Variants in DENND4C observed in about 807,000 individuals in gnomAD.
The protein encoded by DENND4C is DENN domain-containing protein 4C.
A neutral mutation model predicts 203.0 loss-of-function variants in DENND4C; 108 were observed. The ratio of observed to expected loss-of-function variants is 0.53; its 90% CI spans 0.46 to 0.62. The LOEUF is 0.62. Ranked by LOEUF, DENND4C falls within the 20% of genes least tolerant of loss-of-function variation. The pLI is 0.00. For synonymous variants in DENND4C, 871 were observed against 792.4 expected, an observed-to-expected ratio of 1.10 and a Z score of -1.67; for missense variants, 2,481 against 2,301.2, an observed-to-expected ratio of 1.08 and a Z score of -1.60.
intron 9 of DENND4C, among the ~76,000 whole-genome samples, chr9:19,303,688 C>G (rs898025688): frequency 6.6e-6 from 1 of 152,114 alleles, no homozygotes; most frequent in African/African-American, 2.4e-5. Flanking sequence ...CTGAATAACC[C>G]TCTGTAATAG....
chr9:19,300,416 T>G lies in DENND4C; in HGVS notation c.1311+85T>G. 4.0e-6 allele frequency: 5 copies of G among 1,264,648 alleles called. No homozygotes were observed. Among genetic ancestry groups the G allele is most frequent in the Non-Finnish European group, 5.2e-6 (5 of 964,634 alleles). 78.3% of individuals were successfully genotyped at this position (1,264,648 alleles called of 1,614,324 possible). A position where few individuals can be genotyped will look rare whatever the true frequency, so the allele number is the denominator to read the frequency against. On this transcript the variant is annotated intron_variant, in intron 9 of 32. Coordinates refer to ENST00000434457, the MANE Select transcript of DENND4C (RefSeq NM_001330640.2). ...AAATTTTCTTCAAAAACAGCAACTTTGTAAACAACAACAAATTTAAAAAAA... is the reference window on the plus strand; with the variant it reads ...AAATTTTCTTCAAAAACAGCAACTTGGTAAACAACAACAAATTTAAAAAAA...
chr9:19,278,711 A>G (rs1444068106), intron 2 of DENND4C, among the ~76,000 whole-genome samples: 1 of 152,164 alleles, frequency 6.6e-6, no homozygotes, highest in African/African-American at 2.4e-5. Flanking sequence ...CTCCTTTAGT[A>G]TTGTCCATCC....
chr9:19,236,167 CT>C (rs921639157), intron 1 of DENND4C, among the ~76,000 whole-genome samples: 1 of 151,754 alleles, frequency 6.6e-6, no homozygotes, highest in African/African-American at 2.4e-5. Context: ...TAAAGAGGCC[CT>C]TTTCTATCTG....
chr9:19,242,936 A>C (rs987339500), intron 1 of DENND4C, among the ~76,000 whole-genome samples: 3 of 152,086 alleles, frequency 2.0e-5, no homozygotes, highest in African/African-American at 7.2e-5. Flanking sequence ...TTACAGGTGT[A>C]AGCCACCATG....
At chr9:19,364,721 C>T (rs778841441) in intron 30 of DENND4C, among the ~76,000 whole-genome samples, 2 of 152,064 alleles carry the variant, frequency 1.3e-5, no homozygotes, top group African/African-American at 2.4e-5. Context: ...GATAAAACCC[C>T]GCCTCTACTA....
At chr9:19,240,947 A>C (rs549423131) in intron 1 of DENND4C, among the ~76,000 whole-genome samples, 5 of 152,184 alleles carry the variant, frequency 3.3e-5, no homozygotes, top group Non-Finnish European at 5.9e-5. Flanking sequence ...TAGGCGACAG[A>C]GTGACAGAAC....
chr9:19,320,030 G>T (rs1842616541), intron 12 of DENND4C, among the ~76,000 whole-genome samples: 1 of 152,030 alleles, frequency 6.6e-6, no homozygotes, highest in African/African-American at 2.4e-5. Flanking sequence ...CTTGTGGTAG[G>T]TTCAAGAGCT....
In DENND4C at chr9:19,372,725, T is replaced by C. The variant is rs1829042470; in HGVS notation, c.*552T>C. On this transcript the variant is annotated 3_prime_UTR_variant, in exon 33 of 33. Transcript: ENST00000434457. ...CCTGTCTTTACTAAAAATACAAAAA[T>C]TAGCCAGGCGCACCACTGTAGTCCC... is the stretch of plus-strand genomic sequence containing the variant. 1 of 151,920 alleles carries C rather than the reference T, an allele frequency of 6.6e-6. No individual in the cohort carries two copies. The highest frequency in any genetic ancestry group is 6.6e-5 in the Admixed American group (1 of 15,262). 9.4% of individuals were successfully genotyped at this position (151,920 alleles called of 1,614,324 possible).
In DENND4C at chr9:19,312,927, T is replaced by C. The variant is rs138949622; in HGVS notation, c.1488-3490T>C. On this transcript the variant is annotated intron_variant, in intron 10 of 32. Coordinates refer to ENST00000434457, the MANE Select transcript of DENND4C (RefSeq NM_001330640.2). Reference sequence around the variant, plus strand: ...CCTTTAATTTCAGATATTCTGTGCATAGTATATAACTGGCATTAAAAATCC... The same window carrying C: ...CCTTTAATTTCAGATATTCTGTGCACAGTATATAACTGGCATTAAAAATCC... Among the ~76,000 whole-genome samples the C allele has an allele frequency of 1.2e-4, 18 of 152,330 alleles. No individual in the cohort carries two copies. The East Asian group carries it at 3.5e-3, about 29-fold the overall frequency.
chr9:19,312,542 A>G (rs1840950610), intron 10 of DENND4C, among the ~76,000 whole-genome samples: 1 of 152,256 alleles, frequency 6.6e-6, no homozygotes, highest in South Asian at 2.1e-4. Context: ...AAATATGCAC[A>G]AGAAACTAGT....
At chr9:19,258,421 C>T (rs1439108472) in intron 1 of DENND4C, among the ~76,000 whole-genome samples, 3 of 152,040 alleles carry the variant, frequency 2.0e-5, no homozygotes, top group African/African-American at 7.2e-5. Flanking sequence ...CAGTATTCCT[C>T]GTTAACATAT....
intron 1 of DENND4C, among the ~76,000 whole-genome samples, chr9:19,254,473 A>G (rs1176138954): frequency 6.6e-6 from 1 of 152,222 alleles, no homozygotes; most frequent in Non-Finnish European, 1.5e-5. Flanking sequence ...ATGCTAAGTG[A>G]AATAAGCCAG....
chr9:19,267,168 T>A (rs1300982484), intron 1 of DENND4C, among the ~76,000 whole-genome samples: 4 of 152,154 alleles, frequency 2.6e-5, no homozygotes, highest in Non-Finnish European at 4.4e-5. Context: ...GTTTCTTAGT[T>A]TTATGTCTGG....
intron 1 of DENND4C, among the ~76,000 whole-genome samples, chr9:19,264,438 C>A (rs916147428): frequency 6.6e-6 from 1 of 152,054 alleles, no homozygotes; most frequent in Non-Finnish European, 1.5e-5. Context: ...TCTTAAATAG[C>A]TGGGATTACA....
intron 6 of DENND4C, 96 bp from the exon 7 acceptor site, chr9:19,297,960 A>G (rs914697629): frequency 1.7e-5 from 16 of 961,522 alleles, no homozygotes; most frequent in Non-Finnish European, 2.1e-5. Flanking sequence ...GCCATGTCAT[A>G]TCTGGGATGA....
intron 22 of DENND4C, among the ~76,000 whole-genome samples, chr9:19,344,073 AT>A (rs1258523650): frequency 1.3e-5 from 2 of 152,350 alleles, no homozygotes; most frequent in Non-Finnish European, 2.9e-5. Context: ...ATTAATTGAT[AT>A]GATTATCAGT....
chr9:19,234,119 G>A (rs573410265), intron 1 of DENND4C, among the ~76,000 whole-genome samples: 3 of 152,100 alleles, frequency 2.0e-5, no homozygotes, highest in Non-Finnish European at 4.4e-5. Flanking sequence ...GTATATTACT[G>A]TTATTTTATG....
intron 1 of DENND4C, among the ~76,000 whole-genome samples, chr9:19,252,264 G>C (rs188990519): frequency 6.6e-6 from 1 of 152,252 alleles, no homozygotes; most frequent in East Asian, 1.9e-4. Flanking sequence ...GATCTCGTGA[G>C]ACTTATTCAC....
intron 2 of DENND4C, among the ~76,000 whole-genome samples, chr9:19,278,400 G>T (rs916797698): frequency 6.6e-6 from 1 of 151,946 alleles, no homozygotes; most frequent in African/African-American, 2.4e-5. Context: ...AAGTGCTGGG[G>T]TTACAAGCGT....
Sources: gnomAD v4.1 joint callset for allele counts (sites outside exome capture counted in the v4.1 genomes callset) on GRCh38, gnomAD v4.1.1 for gene constraint, MANE v1.5 for transcripts, NCBI Gene and HGNC (gene_info 2026-07-23, HGNC 2026-07-21) for gene names.